DNAJC10: variants seen among roughly 807,000 people sequenced by gnomAD.
The protein encoded by DNAJC10 is DnaJ heat shock protein family (Hsp40) member C10.
In DNAJC10, 101 loss-of-function variants were observed where a neutral mutation model predicts 115.0. That is an observed-to-expected ratio of 0.88 (90% CI 0.75 to 1.04). The LOEUF (loss-of-function observed/expected upper bound fraction) is 1.04. Among genes scored for constraint, DNAJC10 ranks in the 50% least tolerant of loss-of-function variants. The pLI is 0.00. For synonymous variants in DNAJC10, 307 were observed against 301.5 expected (o/e 1.02, Z -0.19); for missense variants, 981 against 928.8 (o/e 1.06, Z -0.73).
chr2:182,772,973 G>C (rs1694607085), intron 22 of DNAJC10, among the ~76,000 whole-genome samples: 1 of 152,194 alleles, frequency 6.6e-6, no homozygotes, highest in Admixed American at 6.5e-5. Flanking sequence ...TGCAATGGCT[G>C]GTTCCAGTTG....
At chr2:182,725,010 C>CT (rs1485061475) in intron 5 of DNAJC10, among the ~76,000 whole-genome samples, 3 of 152,150 alleles carry the variant, frequency 2.0e-5, no homozygotes, top group Non-Finnish European at 2.9e-5. Context: ...TCAAGCGAGT[C>CT]TATCAGCTGA....
intron 22 of DNAJC10, 100 bp downstream of exon 22, chr2:182,762,901 C>A: frequency 7.7e-7 from 1 of 1,300,964 alleles, no homozygotes; most frequent in Non-Finnish European, 1.0e-6. Context: ...TCATCCTTGT[C>A]ATTTTTTTAT....
rs183452111 is a variant in DNAJC10 at position 182,740,107 on chromosome 2, A to G, written c.988-192A>G. 2.0e-4 allele frequency: 209 copies of G among 1,060,562 alleles called. 1 individual carries two copies. In the African/African-American group the frequency reaches 6.8e-3, roughly 35 times the overall value. 65.7% of individuals were successfully genotyped at this position (1,060,562 alleles called of 1,614,324 possible). On this transcript the variant is annotated intron_variant, in intron 11 of 23. Coordinates refer to ENST00000264065, the MANE Select transcript of DNAJC10 (RefSeq NM_018981.4). ...TATATCACTATTTAAGAAACAGCTT[A>G]GTTATATAATATTTTTGATAATTGC...
At chr2:182,763,200 A>T (rs1242443092) in intron 22 of DNAJC10, among the ~76,000 whole-genome samples, 1 of 152,058 alleles carries the variant, frequency 6.6e-6, no homozygotes, top group Non-Finnish European at 1.5e-5. Context: ...TCCTTAGTAT[A>T]TTTCTATTCA....
At chr2:182,760,090 A>G (rs1373905938) in intron 21 of DNAJC10, among the ~76,000 whole-genome samples, 1 of 152,072 alleles carries the variant, frequency 6.6e-6, no homozygotes, top group Admixed American at 6.6e-5. Flanking sequence ...CTCTATCTCT[A>G]TTGTCCACCT....
chr2:182,767,781 AG>A (rs537342454), intron 22 of DNAJC10, among the ~76,000 whole-genome samples: 49 of 152,178 alleles, frequency 3.2e-4, no homozygotes, highest in African/African-American at 1.2e-3. Flanking sequence ...GGCTTTTTTG[AG>A]GTCTGGTCAT....
At position 182,781,790 on chromosome 2, in the gene DNAJC10, T is replaced by G. The variant is rs944104378; in HGVS notation, c.*4658T>G. 6.6e-6 allele frequency: 1 copy of G among 152,222 alleles called. No individual in the cohort carries two copies. Among genetic ancestry groups the G allele is most frequent in the Non-Finnish European group, 1.5e-5 (1 of 68,044 alleles). The allele number at this position is 152,222 out of a possible 1,614,324, so 9.4% of individuals were successfully genotyped here. A position where few individuals can be genotyped will look rare whatever the true frequency, so the allele number is the denominator to read the frequency against. ...TTGAGAAGTGTCTGTTCATATCCTT[T>G]GCCCACTTTTAATGGGATTTTTTTC... On this transcript the variant is annotated 3_prime_UTR_variant, in exon 24 of 24. Transcript: ENST00000264065.
At position 182,720,182 on chromosome 2, in the gene DNAJC10, G is replaced by A. The variant is rs531513055; in HGVS notation, c.367+13G>A. Reference sequence around the variant, plus strand: ...CGTTATGATTTTGGTAAGGTGATACGATATTACTTATGAAATGTGTTTTAT... The same window carrying A: ...CGTTATGATTTTGGTAAGGTGATACAATATTACTTATGAAATGTGTTTTAT... On this transcript the variant is annotated intron_variant, in intron 4 of 23. Coordinates refer to ENST00000264065, the MANE Select transcript of DNAJC10 (RefSeq NM_018981.4). The A allele has an allele frequency of 5.7e-6, 9 of 1,591,492 alleles. No homozygotes were observed. The highest frequency in any genetic ancestry group is 5.4e-5 in the Admixed American group (3 of 55,138).
chr2:182,775,089 T>C (rs559494896), intron 22 of DNAJC10, among the ~76,000 whole-genome samples: 3 of 145,142 alleles, frequency 2.1e-5, no homozygotes, highest in African/African-American at 7.4e-5. Context: ...TTTTTTTTTT[T>C]AACAATTGTT....
chr2:182,720,249 AT>A, intron 4 of DNAJC10, 80 bp downstream of exon 4: 2 of 1,219,882 alleles, frequency 1.6e-6, no homozygotes, highest in Non-Finnish European at 2.4e-6. Flanking sequence ...CACTTAGCTT[AT>A]ATATTTAAGA....
At chr2:182,742,933 G>A (rs777240726) in intron 13 of DNAJC10, among the ~76,000 whole-genome samples, 11 of 151,420 alleles carry the variant, frequency 7.3e-5, no homozygotes, top group Non-Finnish European at 1.6e-4. Flanking sequence ...TGCAACCTCC[G>A]CCTCCTGGAT....
intron 12 of DNAJC10, among the ~76,000 whole-genome samples, chr2:182,740,694 C>A (rs779141331): frequency 1.1e-4 from 17 of 152,106 alleles, no homozygotes; most frequent in Non-Finnish European, 2.1e-4. Flanking sequence ...TTTGTTCTTG[C>A]TTACAGAACG....
At chr2:182,725,677 G>T (rs571147410) in intron 5 of DNAJC10, among the ~76,000 whole-genome samples, 8 of 152,256 alleles carry the variant, frequency 5.3e-5, no homozygotes, top group Non-Finnish European at 7.4e-5. Context: ...AGCTAGAAAA[G>T]GTTGGTTCAT....
chr2:182,718,198 A>G lies in DNAJC10; in HGVS notation c.112A>G (p.Ser38Gly). Residue 38 changes from serine (S) to glycine (G), a missense_variant, in exon 3 of 24, where the codon AGT becomes GGT. Transcript: ENST00000264065. ...ILVGTDQDFYSLLGVSKTASS... is the reference protein window; with the variant it reads ...ILVGTDQDFYGLLGVSKTASS... Reference sequence around the variant, plus strand: ...AGTGGGCACAGATCAGGATTTTTACAGTTTACTTGGAGTGTCCAAAACTGC... The same window carrying G: ...AGTGGGCACAGATCAGGATTTTTACGGTTTACTTGGAGTGTCCAAAACTGC... 1 of 1,613,616 alleles carries G rather than the reference A, an allele frequency of 6.2e-7. No homozygotes were observed. The highest frequency in any genetic ancestry group is 8.5e-7 in the Non-Finnish European group (1 of 1,179,828).
rs990521873 is a variant in DNAJC10, at chr2:182,793,656, C to CA, written c.*16529dup. ...GCAATTGGCTGTGACCTATCTGTTA[C>CA]AAAAATATATCTATATAATCCTAAA... On this transcript the variant is annotated 3_prime_UTR_variant, in exon 24 of 24. Transcript: ENST00000264065. 1.5e-4 allele frequency: 23 copies of CA among 152,124 alleles called. No individual in the cohort carries two copies. The highest frequency in any genetic ancestry group is 5.1e-4 in the African/African-American group (21 of 41,488). 9.4% of individuals were successfully genotyped at this position (152,124 alleles called of 1,614,324 possible).
At chr2:182,728,187 A>G (rs1396359751) in intron 5 of DNAJC10, among the ~76,000 whole-genome samples, 2 of 151,976 alleles carry the variant, frequency 1.3e-5, no homozygotes, top group Non-Finnish European at 1.5e-5. Context: ...CACTCTTACT[A>G]TTTGTCTTCT....
intron 22 of DNAJC10, among the ~76,000 whole-genome samples, chr2:182,765,557 T>C (rs1340195153): frequency 1.3e-5 from 2 of 152,180 alleles, no homozygotes; most frequent in African/African-American, 4.8e-5. Context: ...TCCATGCGGT[T>C]GCGAGGGCTT....
chr2:182,743,824 TTTCTC>T (rs1163160477), intron 14 of DNAJC10, 112 bp downstream of exon 14: 4 of 704,194 alleles, frequency 5.7e-6, no homozygotes, highest in African/African-American at 3.6e-5. Flanking sequence ...GTAAATAACT[TTTCTC>T]AGTAAATATG....
intron 5 of DNAJC10, among the ~76,000 whole-genome samples, chr2:182,727,947 T>G (rs916121851): frequency 1.3e-5 from 2 of 152,228 alleles, no homozygotes; most frequent in African/African-American, 4.8e-5. Flanking sequence ...ATCTGTAATT[T>G]TAGCAAATAT....
Sources: gnomAD v4.1 joint callset for allele counts (sites outside exome capture counted in the v4.1 genomes callset) on GRCh38, gnomAD v4.1.1 for gene constraint, MANE v1.5 for transcripts, NCBI Gene and HGNC (gene_info 2026-07-23, HGNC 2026-07-21) for gene names.